Variants in DMD observed in about 807,000 individuals in gnomAD.
DMD encodes the protein dystrophin.
A neutral mutation model predicts 330.1 loss-of-function variants in DMD; 63 were observed. The ratio of observed to expected loss-of-function variants is 0.19; its 90% CI spans 0.16 to 0.24. DMD has a LOEUF of 0.24. Ranked by LOEUF, DMD falls within the 10% of genes least tolerant of loss-of-function variation. The pLI is 1.00. For synonymous variants in DMD, 1,223 were observed against 959.8 expected (o/e 1.27, Z -5.07); for missense variants, 3,344 against 2,684.1 (o/e 1.25, Z -5.43).
rs771888355 is a variant in DMD at position 33,059,337 on chromosome X, T to A, written c.32-39137A>T. ...ACTCTCATATTATTGTGACTGTAAATTTTCTTAGCTAAAATAATTTCCCTC... is the reference window on the plus strand; with the variant it reads ...ACTCTCATATTATTGTGACTGTAAAATTTCTTAGCTAAAATAATTTCCCTC... On this transcript the variant is annotated intron_variant, in intron 1 of 78. Coordinates refer to ENST00000357033, the MANE Select transcript of DMD (RefSeq NM_004006.3). Among the ~76,000 whole-genome samples the A allele has an allele frequency of 4.5e-5, 5 of 111,112 alleles. No individual in the cohort carries two copies. In the South Asian group the frequency reaches 1.9e-3, roughly 42 times the overall value.
chrX:33,011,979 A>T (rs2093710817), intron 2 of DMD, among the ~76,000 whole-genome samples: 1 of 111,605 alleles, frequency 9.0e-6, no homozygotes, highest in African/African-American at 3.2e-5. Context: ...CAATAATTCC[A>T]ATTTTCTTGT....
At chrX:32,377,497 T>C (rs1005423705) in intron 34 of DMD, among the ~76,000 whole-genome samples, 5 of 111,790 alleles carry the variant, frequency 4.5e-5, no homozygotes, top group Admixed American at 1.9e-4. Context: ...CAAAACTCTA[T>C]GTTAGCAAAA....
At chrX:31,362,964 A>AAAAC (rs1052201803) in intron 60 of DMD, among the ~76,000 whole-genome samples, 6 of 112,025 alleles carry the variant, frequency 5.4e-5, no homozygotes, top group African/African-American at 1.3e-4. Context: ...AACAAAAACA[A>AAAAC]AAACAAACAA....
chrX:32,846,081 C>T (rs1253728074), intron 3 of DMD, among the ~76,000 whole-genome samples: 1 of 111,566 alleles, frequency 9.0e-6, no homozygotes, highest in Non-Finnish European at 1.9e-5. Flanking sequence ...ATGCATAAAG[C>T]ACTAAGATTG....
intron 1 of DMD, among the ~76,000 whole-genome samples, chrX:33,235,916 ATTTTTT>A (rs1210743904): frequency 1.1e-5 from 1 of 87,108 alleles, no homozygotes; most frequent in African/African-American, 4.1e-5. Flanking sequence ...TATTATTATT[ATTTTTT>A]TTTTTTTTTA....
Position 32,192,999 on chromosome X carries a change from G to GTT in DMD, c.6438+23915_6438+23916dup, listed in dbSNP as rs2096982614. Reference sequence around the variant, plus strand: ...CATGTGTGTGGATTTCTCATGAATGGTTTAACACCATCCTCTTGGTGCCAT... The same window carrying GTT: ...CATGTGTGTGGATTTCTCATGAATGGTTTTTAACACCATCCTCTTGGTGCCAT... On this transcript the variant is annotated intron_variant, in intron 44 of 78. Coordinates refer to ENST00000357033, the MANE Select transcript of DMD (RefSeq NM_004006.3). Among the ~76,000 whole-genome samples, 3 of 111,835 alleles carry GTT rather than the reference G, an allele frequency of 2.7e-5. No individual in the cohort carries two copies. In the South Asian group the frequency reaches 1.1e-3, roughly 42 times the overall value.
intron 37 of DMD, among the ~76,000 whole-genome samples, chrX:32,356,805 A>C (rs1328197504): frequency 8.9e-6 from 1 of 112,138 alleles, no homozygotes; most frequent in African/African-American, 3.2e-5. Context: ...TGACACACCT[A>C]AAGTTTGTTT....
In DMD at chrX:31,952,272, C is replaced by T. The variant is rs761039595; in HGVS notation, c.6614+16067G>A. 1.2e-4 allele frequency among the ~76,000 whole-genome samples: 13 copies of T among 111,443 alleles called. No homozygotes were observed. In the East Asian group the frequency reaches 2.0e-3, roughly 17 times the overall value. Reference sequence around the variant, plus strand: ...GTGAAGTGTTTGGCCATTATTTCTTCAAATAATTTTTCTGCCTCTTTAACA... The same window carrying T: ...GTGAAGTGTTTGGCCATTATTTCTTTAAATAATTTTTCTGCCTCTTTAACA... On this transcript the variant is annotated intron_variant, in intron 45 of 78. Transcript: ENST00000357033.
rs931290863 is a variant in DMD, at chrX:31,988,335, G to A, written c.6439-19821C>T. 3.7e-5 allele frequency among the ~76,000 whole-genome samples: 4 copies of A among 107,138 alleles called. No individual in the cohort carries two copies. In the Admixed American group the frequency reaches 4.0e-4, roughly 11 times the overall value. The allele number at this position is 107,138 out of a possible 115,157, so 93.0% of individuals were successfully genotyped here. On this transcript the variant is annotated intron_variant, in intron 44 of 78. Transcript: ENST00000357033. ...AAAAAATACAAAAAATTACCCGGAC[G>A]TGGTGGCGGCCGCCTGTAGTCCCAG...
At chrX:32,827,059 C>CG (rs1244133333) in intron 4 of DMD, among the ~76,000 whole-genome samples, 1 of 59,271 alleles carries the variant, frequency 1.7e-5, no homozygotes, top group African/African-American at 7.1e-5. Flanking sequence ...ACATCGCACC[C>CG]CCCCCCCACA....
At chrX:32,563,606 C>G (rs751530205) in intron 16 of DMD, among the ~76,000 whole-genome samples, 4 of 111,337 alleles carry the variant, frequency 3.6e-5, no homozygotes, top group African/African-American at 6.5e-5. Flanking sequence ...GAAGACATCA[C>G]GTCAATTGCC....
intron 62 of DMD, among the ~76,000 whole-genome samples, chrX:31,273,654 A>C (rs1295559182): frequency 8.9e-6 from 1 of 112,121 alleles, no homozygotes; most frequent in Admixed American, 9.5e-5. Flanking sequence ...AATGCTACAG[A>C]TGAAGACACC....
chrX:33,175,388 A>G (rs952895541), intron 1 of DMD, among the ~76,000 whole-genome samples: 1 of 112,586 alleles, frequency 8.9e-6, no homozygotes, highest in Non-Finnish European at 1.9e-5. Context: ...ATGGCTGCCT[A>G]AAATTCAACA....
Position 32,844,835 on chromosome X carries a change from A to C in DMD, c.212T>G (p.Val71Gly). 1 of 1,211,106 alleles carries C rather than the reference A, an allele frequency of 8.3e-7. No homozygotes were observed. Among genetic ancestry groups the C allele is most frequent in the Non-Finnish European group, 1.1e-6 (1 of 895,062 alleles). ...CTTGTTGACATTGTTCAGGGCATGA[A>C]CTCTTGTGGATCCTTTTTCTTTTGG... is the stretch of plus-strand genomic sequence containing the variant. ...KLPKEKGSTR[V>G]HALNNVNKAL... The change falls in exon 4 of 79, where the codon GTT (valine) becomes GGT (glycine). Residue 71 changes from valine (V) to glycine (G), a missense_variant. By Grantham distance (109) the Val-to-Gly change is moderately radical (BLOSUM62 -3). Transcript: ENST00000357033.
intron 51 of DMD, among the ~76,000 whole-genome samples, chrX:31,758,989 A>G (rs916540842): frequency 8.9e-6 from 1 of 111,980 alleles, no homozygotes; most frequent in Admixed American, 9.5e-5. Flanking sequence ...AATATGACAT[A>G]GAGTTTGCTA....
chrX:31,195,906 G>A (rs1485505943), intron 67 of DMD, among the ~76,000 whole-genome samples: 3 of 111,684 alleles, frequency 2.7e-5, no homozygotes, highest in Non-Finnish European at 5.6e-5. Context: ...TAACAATGAA[G>A]TGCTACTTTA....
At chrX:31,890,423 T>C (rs2094230059) in intron 47 of DMD, among the ~76,000 whole-genome samples, 1 of 109,971 alleles carries the variant, frequency 9.1e-6, no homozygotes, top group Admixed American at 9.8e-5. Context: ...TATCAAAATG[T>C]AACTTTAAAT....
intron 63 of DMD, among the ~76,000 whole-genome samples, chrX:31,255,712 C>T (rs2049869139): frequency 1.8e-5 from 2 of 110,132 alleles, no homozygotes; most frequent in South Asian, 7.9e-4. Context: ...GCCTGCCCCA[C>T]CCTCAGCCCA....
At chrX:32,868,688 C>A (rs1002589772) in intron 2 of DMD, among the ~76,000 whole-genome samples, 14 of 112,648 alleles carry the variant, frequency 1.2e-4, no homozygotes, top group African/African-American at 4.5e-4. Flanking sequence ...CCTCACTGGG[C>A]AGGGCCTGCT....
Sources: allele counts gnomAD v4.1 joint callset (sites outside exome capture counted in the v4.1 genomes callset), GRCh38; gene constraint gnomAD v4.1.1; transcripts MANE v1.5; gene names NCBI Gene and HGNC (gene_info 2026-07-23, HGNC 2026-07-21).